ADD2: variants seen among roughly 807,000 people sequenced by gnomAD.
ADD2 encodes adducin 2.
In ADD2, 23 loss-of-function variants were observed where a neutral mutation model predicts 83.0. That is an observed-to-expected ratio of 0.28 (90% CI 0.20 to 0.39). The LOEUF (loss-of-function observed/expected upper bound fraction) is 0.39. Ranked by LOEUF, ADD2 falls within the 10% of genes least tolerant of loss-of-function variation. ADD2 has a pLI of 1.00. For missense variants in ADD2, 758 were observed against 944.9 expected (o/e 0.80, Z 2.59); for synonymous variants, 375 against 375.4 (o/e 1.00, Z 0.01).
rs1186915009 is a variant in ADD2, at chr2:70,661,691, G to A, written c.*1734C>T. 4.6e-5 allele frequency: 7 copies of A among 152,264 alleles called. No individual in the cohort carries two copies. The highest frequency in any genetic ancestry group is 1.7e-4 in the African/African-American group (7 of 41,470). 9.4% of individuals were successfully genotyped at this position (152,264 alleles called of 1,614,324 possible). On this transcript the variant is annotated 3_prime_UTR_variant, in exon 16 of 16. Coordinates refer to ENST00000264436, the MANE Select transcript of ADD2 (RefSeq NM_001617.4). ...GACCAGGAACTTCACGTGCAGTGAT[G>A]AGGATGAGCACAGGGTGTTCCCTAC... is the stretch of plus-strand genomic sequence containing the variant.
At chr2:70,720,532 C>T (rs1324855176) in intron 1 of ADD2, among the ~76,000 whole-genome samples, 2 of 152,124 alleles carry the variant, frequency 1.3e-5, no homozygotes, top group African/African-American at 4.8e-5. Flanking sequence ...CCCAATTAAC[C>T]ATATGTTGGG....
chr2:70,724,313 C>T (rs75654551), intron 1 of ADD2, among the ~76,000 whole-genome samples: 3,800 of 152,322 alleles, frequency 0.025, 66 homozygotes, highest in Non-Finnish European at 0.04. Flanking sequence ...TCCACCACTG[C>T]GTGCTCATTT....
At chr2:70,692,742 G>GA (rs34065251) in intron 6 of ADD2, among the ~76,000 whole-genome samples, 190 bp from the exon 7 acceptor site, 50,165 of 152,062 alleles carry the variant, frequency 0.33, 8,552 homozygotes, top group East Asian at 0.44. Context: ...AGTCTAACGG[G>GA]ACACAGACGA....
intron 15 of ADD2, among the ~76,000 whole-genome samples, chr2:70,665,351 C>T (rs753031553): frequency 6.6e-6 from 1 of 152,144 alleles, no homozygotes; most frequent in Non-Finnish European, 1.5e-5. Context: ...CAGACCACTG[C>T]GGAGCACCAG....
intron 1 of ADD2, among the ~76,000 whole-genome samples, chr2:70,743,783 A>G (rs1674043256): frequency 6.6e-6 from 1 of 152,238 alleles, no homozygotes; most frequent in Non-Finnish European, 1.5e-5. Context: ...TATAGCAGGT[A>G]CAAAGGTCCT....
rs1553368640 is a variant in ADD2 at position 70,677,743 on chromosome 2, A to G, written c.1503+15T>C. ...TGTGGGAGAAGAAAGAGTGGGATAA[A>G]CAGACCCCACTTACCTTGTTCCTCA... On this transcript the variant is annotated intron_variant, in intron 12 of 15. Coordinates refer to ENST00000264436, the MANE Select transcript of ADD2 (RefSeq NM_001617.4). 6.2e-7 allele frequency: 1 copy of G among 1,613,402 alleles called. No individual in the cohort carries two copies. Among genetic ancestry groups the G allele is most frequent in the South Asian group, 1.1e-5 (1 of 91,008 alleles).
At chr2:70,748,021 A>T (rs1553382337) in intron 1 of ADD2, among the ~76,000 whole-genome samples, 1 of 152,136 alleles carries the variant, frequency 6.6e-6, no homozygotes, top group African/African-American at 2.4e-5. Context: ...GGTTTTTAAA[A>T]ATCTTGACAT....
chr2:70,720,002 T>G (rs17654282), intron 1 of ADD2, among the ~76,000 whole-genome samples: 10,424 of 149,256 alleles, frequency 0.07, 482 homozygotes, highest in Non-Finnish European at 0.1. Flanking sequence ...GTATCCTTTT[T>G]TGTCTAATAG....
At chr2:70,704,266 C>CCCCCCCCCCCCCCCCCCCCCCA in intron 4 of ADD2, 55 bp downstream of exon 4, 4 of 650,834 alleles carry the variant, frequency 6.1e-6, no homozygotes, top group Middle Eastern at 3.8e-4. Flanking sequence ...CCTCTCTTCC[C>CCCCCCCCCCCCCCCCCCCCCCA]CACCCCACCC....
At chr2:70,694,364 T>G (rs1207441701) in intron 6 of ADD2, among the ~76,000 whole-genome samples, 9 of 152,052 alleles carry the variant, frequency 5.9e-5, no homozygotes, top group African/African-American at 1.7e-4. Context: ...GCTTTCAGAG[T>G]GATCTTTCTA....
chr2:70,682,943 A>G (rs1251632471), intron 10 of ADD2, among the ~76,000 whole-genome samples: 1 of 152,142 alleles, frequency 6.6e-6, no homozygotes, highest in Non-Finnish European at 1.5e-5. Context: ...ACAGAAAGAC[A>G]GAACTAACTA....
Position 70,663,299 on chromosome 2 carries a change from C to T in ADD2, c.*126G>A. 9.0e-7 allele frequency: 1 copy of T among 1,106,450 alleles called. No individual in the cohort carries two copies. The allele number at this position is 1,106,450 out of a possible 1,614,324, so 68.5% of individuals were successfully genotyped here. ...GGGTTGGTCGGGTGATCTCTAAGTT[C>T]CCCTTCCGAATGTGGTCCAGGGTCC... On this transcript the variant is annotated 3_prime_UTR_variant, in exon 16 of 16. Transcript: ENST00000264436.
intron 10 of ADD2, among the ~76,000 whole-genome samples, chr2:70,683,022 C>CTTTTT (rs35087942): frequency 1.6e-5 from 2 of 124,540 alleles, no homozygotes; most frequent in Non-Finnish European, 3.3e-5. Context: ...GGAGTATGAC[C>CTTTTT]TTTTTTTTTT....
intron 2 of ADD2, among the ~76,000 whole-genome samples, chr2:70,712,379 G>A (rs1164422397): frequency 6.6e-6 from 1 of 151,250 alleles, no homozygotes; most frequent in African/African-American, 2.4e-5. Flanking sequence ...GGGAGGCAGA[G>A]GTTGCAGTGA....
intron 1 of ADD2, among the ~76,000 whole-genome samples, chr2:70,734,114 C>T (rs149888243): frequency 1.3e-5 from 2 of 152,294 alleles, no homozygotes; most frequent in African/African-American, 4.8e-5. Flanking sequence ...TCTAGCACAT[C>T]ACTGGAGTTG....
intron 1 of ADD2, among the ~76,000 whole-genome samples, chr2:70,766,563 T>C (rs782615840): frequency 6.6e-6 from 1 of 152,252 alleles, no homozygotes; most frequent in Non-Finnish European, 1.5e-5. Flanking sequence ...ACTTGCTATT[T>C]TTCTCTTAAA....
intron 10 of ADD2, among the ~76,000 whole-genome samples, chr2:70,679,293 A>G (rs1670340057): frequency 6.6e-6 from 1 of 152,194 alleles, no homozygotes; most frequent in South Asian, 2.1e-4. Context: ...CCCTGGCTGT[A>G]CACTAGAATC....
Position 70,704,317 on chromosome 2 carries a change from A to G in ADD2, c.322+4T>C, listed in dbSNP as rs1360656062. ...CTCCTGGCAGCTCCCCAGACACCACATACTCATGGAAGATGTCGGGAAGAC... is the reference window on the plus strand; with the variant it reads ...CTCCTGGCAGCTCCCCAGACACCACGTACTCATGGAAGATGTCGGGAAGAC... On this transcript the variant is annotated splice_donor_region_variant and intron_variant, in intron 4 of 15. Transcript: ENST00000264436. 3.1e-5 allele frequency: 42 copies of G among 1,354,288 alleles called. No individual in the cohort carries two copies. The highest frequency in any genetic ancestry group is 4.0e-5 in the Non-Finnish European group (41 of 1,024,598). 83.9% of individuals were successfully genotyped at this position (1,354,288 alleles called of 1,614,324 possible).
At chr2:70,713,527 C>G (rs1331135197) in intron 1 of ADD2, among the ~76,000 whole-genome samples, 1 of 152,142 alleles carries the variant, frequency 6.6e-6, no homozygotes, top group African/African-American at 2.4e-5. Flanking sequence ...AGGAGAATTG[C>G]TTGAATCCGG....
Sources: gnomAD v4.1 joint callset for allele counts (sites outside exome capture counted in the v4.1 genomes callset) on GRCh38, gnomAD v4.1.1 for gene constraint, MANE v1.5 for transcripts, NCBI Gene and HGNC (gene_info 2026-07-23, HGNC 2026-07-21) for gene names.